The following SH3BP2 variants were observed in gnomAD, a reference collection of about 807,000 sequenced individuals.
SH3BP2 encodes the protein SH3 domain binding protein 2, also known as SH3 domain-binding protein 2.
In SH3BP2, 38 loss-of-function variants were observed where a neutral mutation model predicts 56.2. That is an observed-to-expected ratio of 0.68 (90% CI 0.52 to 0.89). The LOEUF is 0.89. SH3BP2 is among the 40% of genes least tolerant of loss of function. The probability of loss-of-function intolerance (pLI) is 0.00; values close to 1 mark genes in which losing one functional copy is unlikely to be tolerated. For synonymous variants in SH3BP2, 346 were observed against 316.7 expected (o/e 1.09, Z -0.98); for missense variants, 748 against 762.6 (o/e 0.98, Z 0.23).
In SH3BP2 at chr4:2,818,742, G is replaced by A. The variant is rs1236278757; in HGVS notation, c.-4-1872G>A. The A allele has an allele frequency of 5.1e-6, 5 of 989,644 alleles. No homozygotes were observed. In the East Asian group the frequency reaches 3.2e-4, roughly 64 times the overall value. 61.3% of individuals were successfully genotyped at this position (989,644 alleles called of 1,614,324 possible). A position where few individuals can be genotyped will look rare whatever the true frequency, so the allele number is the denominator to read the frequency against. On this transcript the variant is annotated intron_variant, in intron 1 of 12. Transcript: ENST00000503393. ...CTTGGCCTGTGGTTGGGGGTCCTGC[G>A]GCTGGGACCCGCCCCTGACCCCTCC...
At chr4:2,799,026 G>C in intron 1 of SH3BP2, 1 of 985,562 alleles carries the variant, frequency 1.0e-6, no homozygotes, top group Non-Finnish European at 1.2e-6. Context: ...CAAAGCCGGC[G>C]TCAGGTCATC....
intron 1 of SH3BP2, chr4:2,798,467 C>T (rs548271366): frequency 6.6e-6 from 1 of 152,406 alleles, no homozygotes; most frequent in South Asian, 2.1e-4. Flanking sequence ...TGCATGGAGA[C>T]CAGGCTCAGA....
intron 1 of SH3BP2, among the ~76,000 whole-genome samples, chr4:2,804,621 C>T (rs755137): frequency 0.24 from 36,006 of 152,202 alleles, 4,778 homozygotes; most frequent in African/African-American, 0.36. Context: ...CCCCTGGCCT[C>T]CTACCCAGAG....
chr4:2,835,659 C>G lies in SH3BP2; in HGVS notation c.*1825C>G, dbSNP rs533078310. The G allele has an allele frequency of 6.6e-6, 1 of 152,206 alleles. No individual in the cohort carries two copies. Among genetic ancestry groups the G allele is most frequent in the Admixed American group, 6.5e-5 (1 of 15,278 alleles). The allele number at this position is 152,206 out of a possible 1,614,324, so 9.4% of individuals were successfully genotyped here. On this transcript the variant is annotated 3_prime_UTR_variant, in exon 13 of 13. Transcript: ENST00000503393. The stretch of plus-strand genomic sequence containing the variant: ...TTTGTTTTTGAGATGTAGTCTCACC[C>G]TGTCGCCCAGGCTGGAGTGCAATGC...
At chr4:2,795,696 T>G (rs555698529) in intron 1 of SH3BP2, among the ~76,000 whole-genome samples, 1 of 152,110 alleles carries the variant, frequency 6.6e-6, no homozygotes, top group Non-Finnish European at 1.5e-5. Context: ...CGGGCAGCCA[T>G]GCAGGTACAG....
Position 2,830,023 on chromosome 4 carries a change from A to G in SH3BP2, c.1117A>G (p.Met373Val), listed in dbSNP as rs1242360913. 1.9e-5 allele frequency: 30 copies of G among 1,612,782 alleles called. No homozygotes were observed. The highest frequency in any genetic ancestry group is 2.5e-5 in the Non-Finnish European group (30 of 1,179,986). ...AEEDPPREAA[M>V]PGLFVPPVAP... Reference sequence around the variant, plus strand: ...AGAGGACCCCCCAAGGGAGGCAGCCATGCCCGGACTCTTTGTGCCCCCCGT... The same window carrying G: ...AGAGGACCCCCCAAGGGAGGCAGCCGTGCCCGGACTCTTTGTGCCCCCCGT... Residue 373 changes from methionine to valine, a missense_variant, in exon 8 of 13, where the codon ATG becomes GTG. Physicochemically the swap from Met to Val is conservative, Grantham distance 21 (BLOSUM62 1). Coordinates refer to ENST00000503393, the MANE Select transcript of SH3BP2 (RefSeq NM_001122681.2).
In SH3BP2 at chr4:2,837,307, CG is replaced by C. The variant is rs1725268265; in HGVS notation, c.*3474del. 1 of 152,252 alleles carries C rather than the reference CG, an allele frequency of 6.6e-6. No homozygotes were observed. The highest frequency in any genetic ancestry group is 2.4e-5 in the African/African-American group (1 of 41,454). The allele number at this position is 152,252 out of a possible 1,614,324, so 9.4% of individuals were successfully genotyped here. On this transcript the variant is annotated 3_prime_UTR_variant, in exon 13 of 13. Transcript: ENST00000503393. ...GCCTCCCAAGTGCTGGGATTACAGG[CG>C]CGAGCCACGGCGCCCAGCCTTGAAA...
Position 2,832,618 on chromosome 4 carries a change from C to T in SH3BP2, c.1488+206C>T, listed in dbSNP as rs987054926. On this transcript the variant is annotated intron_variant, in intron 11 of 12. Transcript: ENST00000503393. The stretch of plus-strand genomic sequence containing the variant: ...AAATTGGGGGCCATGATGGCCACCT[C>T]CCAGTGGGGGCCAGGACTCGGGTGG... Among the ~76,000 whole-genome samples, 8 of 152,232 alleles carry T rather than the reference C, an allele frequency of 5.3e-5. No individual in the cohort carries two copies. The South Asian group carries it at 1.2e-3, about 24-fold the overall frequency.
rs141600193 is a variant in SH3BP2 at position 2,832,293 on chromosome 4, A to C, written c.1407-38A>C. 122 of 1,547,338 alleles carry C rather than the reference A, an allele frequency of 7.9e-5. No homozygotes were observed. In the East Asian group the frequency reaches 2.7e-3, roughly 34 times the overall value. On this transcript the variant is annotated intron_variant, in intron 10 of 12. Transcript: ENST00000503393. ...GGAAGGTCCGTGTGAAAGCTGCCCG[A>C]GGAGGACTCACCCGCTAATATGACT...
At chr4:2,827,492 C>A in intron 6 of SH3BP2, 114 bp from the exon 7 acceptor site, 1 of 1,235,304 alleles carries the variant, frequency 8.1e-7, no homozygotes, top group Non-Finnish European at 1.2e-6. Context: ...GACTCACAGT[C>A]CTCCCAGCAG....
chr4:2,823,404 A>AC, intron 3 of SH3BP2: 1 of 464,210 alleles, frequency 2.2e-6, no homozygotes, highest in South Asian at 1.5e-5. Context: ...GGCAGCCCAG[A>AC]CCCCAGCCAG....
intron 12 of SH3BP2, chr4:2,833,276 T>C (rs1304287923): frequency 1.4e-5 from 9 of 622,696 alleles, no homozygotes; most frequent in Non-Finnish European, 2.6e-5. Context: ...GGATGGGCGG[T>C]CAGCCATAGA....
chr4:2,825,474 A>C lies in SH3BP2; in HGVS notation c.428+278A>C, dbSNP rs550249533. On this transcript the variant is annotated intron_variant, in intron 5 of 12. Coordinates refer to ENST00000503393, the MANE Select transcript of SH3BP2 (RefSeq NM_001122681.2). ...CACACACACAGAGCAACACGTGGACATGCGCACACACACAGAGCAACACGT... is the reference window on the plus strand; with the variant it reads ...CACACACACAGAGCAACACGTGGACCTGCGCACACACACAGAGCAACACGT... Among the ~76,000 whole-genome samples the C allele has an allele frequency of 6.2e-5, 9 of 144,500 alleles. No homozygotes were observed. The East Asian group carries it at 1.7e-3, about 28-fold the overall frequency. 94.8% of individuals were successfully genotyped at this position (144,500 alleles called of 152,430 possible).
intron 1 of SH3BP2, among the ~76,000 whole-genome samples, chr4:2,806,002 C>T (rs71608242): frequency 0.015 from 2,297 of 152,306 alleles, 35 homozygotes; most frequent in South Asian, 0.032. Flanking sequence ...CTGAGCTGGG[C>T]GGTTCCTCCC....
In SH3BP2 at chr4:2,836,859, C is replaced by G. The variant is rs930257136; in HGVS notation, c.*3025C>G. The G allele has an allele frequency of 6.6e-6, 1 of 152,220 alleles. No homozygotes were observed. Among genetic ancestry groups the G allele is most frequent in the Non-Finnish European group, 1.5e-5 (1 of 68,046 alleles). 9.4% of individuals were successfully genotyped at this position (152,220 alleles called of 1,614,324 possible). A position where few individuals can be genotyped will look rare whatever the true frequency, so the allele number is the denominator to read the frequency against. On this transcript the variant is annotated 3_prime_UTR_variant, in exon 13 of 13. Coordinates refer to ENST00000503393, the MANE Select transcript of SH3BP2 (RefSeq NM_001122681.2). ...GAAACTGAGGCTTTGGGAGGACTCA[C>G]TGACATACCTACCTTCAAGATGAGT...
Position 2,835,997 on chromosome 4 carries a change from A to T in SH3BP2, c.*2163A>T, listed in dbSNP as rs170763. On this transcript the variant is annotated 3_prime_UTR_variant, in exon 13 of 13. Coordinates refer to ENST00000503393, the MANE Select transcript of SH3BP2 (RefSeq NM_001122681.2). ...TTCCAGCCTGGTGCCTGGGGTGCTG[A>T]GCTAGTGAGTGGTGCAGTCCAGGAC... is the stretch of plus-strand genomic sequence containing the variant. 5,902 of 152,400 alleles carry T rather than the reference A, an allele frequency of 0.039. 374 individuals carry two copies. The highest frequency in any genetic ancestry group is 0.13 in the African/African-American group (5,384 of 41,500). The allele number at this position is 152,400 out of a possible 1,614,324, so 9.4% of individuals were successfully genotyped here. A position where few individuals can be genotyped will look rare whatever the true frequency, so the allele number is the denominator to read the frequency against.
At position 2,831,672 on chromosome 4, in the gene SH3BP2, A is replaced by T. The variant is rs1291034009; in HGVS notation, c.1343A>T (p.Tyr448Phe). 6.3e-7 allele frequency: 1 copy of T among 1,588,522 alleles called. No homozygotes were observed. Among genetic ancestry groups the T allele is most frequent in the African/African-American group, 1.3e-5 (1 of 74,240 alleles). The change falls in exon 9 of 13, where the codon TAT becomes TTT. Residue 448 changes from tyrosine (Y) to phenylalanine (F), a missense_variant. Physicochemically the swap from Tyr to Phe is conservative, Grantham distance 22. Transcript: ENST00000503393. This position sits in a 1 kb window ranked among gnomAD's most constrained non-coding sequence, Gnocchi z 4.1. ...GGCGGGGACGACTCGGACGAGGACT[A>T]TGAGAAGGCAAGGCTGAGCGGCAAG... ...DTGGDDSDED[Y>F]EKVPLPNSVF... is the part of the protein sequence containing the mutation.
chr4:2,833,740 T>A lies in SH3BP2; in HGVS notation c.1592T>A (p.Val531Glu). 1.2e-6 allele frequency: 2 copies of A among 1,608,452 alleles called. No individual in the cohort carries two copies. Among genetic ancestry groups the A allele is most frequent in the Non-Finnish European group, 1.7e-6 (2 of 1,177,544 alleles). Residue 531 changes from valine (V) to glutamate (E), a missense_variant, in exon 13 of 13, where the codon GTG becomes GAG. This residue lies in a region of SH3BP2 where 635 missense variants were observed against 615.0 expected (regional missense o/e 1.03). Coordinates refer to ENST00000503393, the MANE Select transcript of SH3BP2 (RefSeq NM_001122681.2). Reference protein sequence around the residue: ...YLEGEVLFVSVGSMVEHYHTH... With the variant: ...YLEGEVLFVSEGSMVEHYHTH... ...GAGGGCGAGGTCCTGTTTGTGAGTG[T>A]GGGCAGCATGGTGGAGCACTACCAC...
intron 1 of SH3BP2, among the ~76,000 whole-genome samples, chr4:2,801,063 C>T (rs910590803): frequency 2.9e-5 from 4 of 137,060 alleles, no homozygotes; most frequent in East Asian, 2.0e-4. Flanking sequence ...TGGTTGGGGG[C>T]GGAGAGGAGG....
Sources: gnomAD v4.1 joint callset for allele counts (sites outside exome capture counted in the v4.1 genomes callset) on GRCh38, gnomAD v4.1.1 for gene constraint, gnomAD v4.1.1 regional missense constraint, Gnocchi (gnomAD v3.1) non-coding constraint, MANE v1.5 for transcripts, NCBI Gene and HGNC (gene_info 2026-07-23, HGNC 2026-07-21) for gene names.